Variants in SCARB2 observed in about 807,000 individuals in gnomAD.
The protein encoded by SCARB2 is scavenger receptor class B member 2.
A neutral mutation model predicts 58.6 loss-of-function variants in SCARB2; 29 were observed. The observed-to-expected ratio is 0.49, with a 90% CI of 0.37 to 0.67. The LOEUF is 0.67. Among genes scored for constraint, SCARB2 ranks in the 30% least tolerant of loss-of-function variants. SCARB2 has a pLI of 0.00. For synonymous variants in SCARB2, 195 were observed against 210.1 expected (o/e 0.93, Z 0.62); for missense variants, 488 against 578.5 (o/e 0.84, Z 1.60).
At position 76,161,360 on chromosome 4, in the gene SCARB2, A is replaced by G. The variant is rs1233685984; in HGVS notation, c.*353T>C. ...TGAATGAAGCATACTGAATGAAGTT[A>G]GACCAGTAGCATTAACAAGTGATGC... On this transcript the variant is annotated 3_prime_UTR_variant, in exon 12 of 12. Transcript: ENST00000264896. 1.2e-5 allele frequency: 4 copies of G among 332,064 alleles called. No individual in the cohort carries two copies. The East Asian group carries it at 1.9e-4, about 16-fold the overall frequency. The allele number at this position is 332,064 out of a possible 1,614,324, so 20.6% of individuals were successfully genotyped here.
At chr4:76,230,241 A>G (rs1313863834) in intron 1 of SCARB2, among the ~76,000 whole-genome samples, 2 of 152,020 alleles carry the variant, frequency 1.3e-5, no homozygotes, top group African/African-American at 4.8e-5. Context: ...TTCTTGGGCT[A>G]ATGGGGTTAT....
At chr4:76,199,118 C>T (rs1476906878) in intron 1 of SCARB2, among the ~76,000 whole-genome samples, 4 of 152,142 alleles carry the variant, frequency 2.6e-5, no homozygotes, top group Non-Finnish European at 5.9e-5. Context: ...CTGAGTTTTA[C>T]ACTGACACTA....
upstream of SCARB2, among the ~76,000 whole-genome samples, chr4:76,218,764 T>G (rs1007678415): frequency 2.2e-4 from 33 of 152,212 alleles, no homozygotes; most frequent in African/African-American, 7.2e-4. Flanking sequence ...TAGTGTTGTC[T>G]AACTAATAGA....
upstream of SCARB2, among the ~76,000 whole-genome samples, chr4:76,217,164 C>G (rs1024994068): frequency 7.9e-5 from 12 of 152,312 alleles, no homozygotes; most frequent in African/African-American, 2.9e-4. Flanking sequence ...AGAGACTTTG[C>G]CCTCTCATCC....
In SCARB2 at chr4:76,176,463, T is replaced by A. The variant is rs987942921; in HGVS notation, c.678A>T (p.Thr226=). ...LTGEDSYLNF[T]KIVEWNGKTS... The stretch of plus-strand genomic sequence containing the variant: ...TTTTCCCATTCCATTCCACAATTTT[T>A]GTAAAGTTAAGGTAACTGTCTTCTC... Residue 226 remains threonine (T), a synonymous_variant, in exon 5 of 12, where the codon ACA becomes ACT. Coordinates refer to ENST00000264896, the MANE Select transcript of SCARB2 (RefSeq NM_005506.4). 1 of 1,612,110 alleles carries A rather than the reference T, an allele frequency of 6.2e-7. No individual in the cohort carries two copies. Among genetic ancestry groups the A allele is most frequent in the Non-Finnish European group, 8.5e-7 (1 of 1,178,826 alleles).
At position 76,213,656 on chromosome 4, in the gene SCARB2, C is replaced by T. The variant is rs889888556; in HGVS notation, c.-113G>A. 7.5e-6 allele frequency: 6 copies of T among 795,756 alleles called. No homozygotes were observed. Among genetic ancestry groups the T allele is most frequent in the African/African-American group, 5.2e-5 (3 of 58,150 alleles). 49.3% of individuals were successfully genotyped at this position (795,756 alleles called of 1,614,324 possible). ...ACCCGGGACCCTTCGGCGCCACGCC[C>T]ACGCCCTCCCGGCGCACGGTTCGTG... On this transcript the variant is annotated 5_prime_UTR_variant, in exon 1 of 12. Coordinates refer to ENST00000264896, the MANE Select transcript of SCARB2 (RefSeq NM_005506.4).
intron 1 of SCARB2, among the ~76,000 whole-genome samples, chr4:76,233,015 A>G (rs1039991668): frequency 1.3e-4 from 20 of 152,204 alleles, no homozygotes; most frequent in African/African-American, 4.3e-4. Flanking sequence ...AGCTTTTCCT[A>G]TCTAACTCAA....
intron 1 of SCARB2, among the ~76,000 whole-genome samples, chr4:76,212,674 T>C (rs955314804): frequency 2.0e-5 from 3 of 152,310 alleles, no homozygotes; most frequent in Middle Eastern, 6.8e-3. Context: ...AAAGGGCAGA[T>C]GAAATGACCA....
At chr4:76,224,743 A>G (rs1560728370) in intron 1 of SCARB2, among the ~76,000 whole-genome samples, 1 of 151,812 alleles carries the variant, frequency 6.6e-6, no homozygotes, top group Non-Finnish European at 1.5e-5. Flanking sequence ...TTGTTATTTT[A>G]TTTTATTTAT....
At chr4:76,198,631 A>G (rs74369564) in intron 1 of SCARB2, among the ~76,000 whole-genome samples, 3,506 of 152,232 alleles carry the variant, frequency 0.023, 122 homozygotes, top group African/African-American at 0.08. Context: ...CCACCCCCAC[A>G]GCCCTTCTCT....
At chr4:76,176,959 C>A (rs538061106) in intron 4 of SCARB2, 1 of 156,514 alleles carries the variant, frequency 6.4e-6, no homozygotes, top group East Asian at 1.9e-4. Context: ...ATATAAATTT[C>A]TTTCTCTCCC....
intron 1 of SCARB2, among the ~76,000 whole-genome samples, chr4:76,208,626 T>C (rs894253): frequency 0.051 from 7,751 of 152,118 alleles, 646 homozygotes; most frequent in African/African-American, 0.17. Flanking sequence ...GGAGGCAGAG[T>C]GTGCCTGCTT....
intron 1 of SCARB2, among the ~76,000 whole-genome samples, chr4:76,231,364 T>C (rs1289117750): frequency 6.6e-6 from 1 of 152,232 alleles, no homozygotes; most frequent in Non-Finnish European, 1.5e-5. Context: ...TTGTTCTTTC[T>C]GAGCTGCAGC....
intron 1 of SCARB2, among the ~76,000 whole-genome samples, chr4:76,220,928 G>C (rs1190586828): frequency 6.6e-6 from 1 of 152,162 alleles, no homozygotes; most frequent in African/African-American, 2.4e-5. Flanking sequence ...AGCGGAGTCA[G>C]TACACACACT....
intron 1 of SCARB2, among the ~76,000 whole-genome samples, chr4:76,232,317 T>C (rs1216156457): frequency 1.3e-5 from 2 of 152,240 alleles, no homozygotes; most frequent in Non-Finnish European, 2.9e-5. Flanking sequence ...TCATGAGTCC[T>C]GTACATTTTC....
At chr4:76,179,989 A>G in intron 3 of SCARB2, 1 of 447,364 alleles carries the variant, frequency 2.2e-6, no homozygotes, top group Non-Finnish European at 4.1e-6. Flanking sequence ...GCTCTTGTAA[A>G]CATGTGGGCA....
chr4:76,174,556 A>T (rs571195359), intron 6 of SCARB2: 4 of 486,508 alleles, frequency 8.2e-6, no homozygotes, highest in African/African-American at 7.8e-5. Flanking sequence ...AATATGTGGT[A>T]CAAAATTAAG....
intron 10 of SCARB2, 166 bp from the exon 11 acceptor site, chr4:76,163,549 A>G: frequency 1.5e-6 from 1 of 688,306 alleles, no homozygotes; most frequent in Non-Finnish European, 2.5e-6. Flanking sequence ...AGGGACATTT[A>G]TTCATTAATA....
rs1051789209 is a variant in SCARB2, at chr4:76,195,810, G to A, written c.172C>T (p.Leu58=). The change falls in exon 2 of 12, where the codon CTG becomes TTG. Residue 58 remains leucine (L), a synonymous_variant. Coordinates refer to ENST00000264896, the MANE Select transcript of SCARB2 (RefSeq NM_005506.4). ...EAFDSWEKPP[L]PVYTQFYFFN... ...AAATAGAACTGAGTATACACAGGCA[G>A]AGGGGGCTTCTCCCAGGAGTCAAAT... is the stretch of plus-strand genomic sequence containing the variant. 2 of 1,613,676 alleles carry A rather than the reference G, an allele frequency of 1.2e-6. No individual in the cohort carries two copies. Among genetic ancestry groups the A allele is most frequent in the Non-Finnish European group, 1.7e-6 (2 of 1,179,658 alleles).
Sources: gnomAD v4.1 joint callset for allele counts (sites outside exome capture counted in the v4.1 genomes callset) on GRCh38, gnomAD v4.1.1 for gene constraint, MANE v1.5 for transcripts, NCBI Gene and HGNC (gene_info 2026-07-23, HGNC 2026-07-21) for gene names.